Variants in MGAT4C observed in about 807,000 individuals in gnomAD.
MGAT4C encodes alpha-1,3-mannosyl-glycoprotein 4-beta-N-acetylglucosaminyltransferase C.
MGAT4C carries 19 observed loss-of-function variants against 40.1 expected under a neutral mutation model. The observed-to-expected ratio is 0.47, with a 90% CI of 0.33 to 0.70. The LOEUF (loss-of-function observed/expected upper bound fraction) is 0.70, where lower values mean the gene tolerates loss of function less well. Among genes scored for constraint, MGAT4C ranks in the 30% least tolerant of loss-of-function variants. MGAT4C has a pLI of 0.02. For missense variants in MGAT4C, 491 were observed against 563.2 expected (o/e 0.87, Z 1.30); for synonymous variants, 181 against 187.1 (o/e 0.97, Z 0.27).
intron 2 of MGAT4C, among the ~76,000 whole-genome samples, chr12:86,581,220 A>G (rs1481917712): frequency 6.6e-6 from 1 of 151,474 alleles, no homozygotes; most frequent in Non-Finnish European, 1.5e-5. Flanking sequence ...GATTTTCTAT[A>G]ACAGAGACTA....
intron 2 of MGAT4C, among the ~76,000 whole-genome samples, chr12:86,614,639 A>G (rs1962390735): frequency 1.3e-5 from 2 of 150,024 alleles, no homozygotes; most frequent in African/African-American, 5.0e-5. Flanking sequence ...TAAACAATAT[A>G]TTTGCAAAAA....
At chr12:86,133,243 C>T (rs1345459327) in intron 1 of MGAT4C, among the ~76,000 whole-genome samples, 1 of 152,214 alleles carries the variant, frequency 6.6e-6, no homozygotes, top group Non-Finnish European at 1.5e-5. Flanking sequence ...TTAGATTGCT[C>T]TTTAATTGTA....
At chr12:86,424,376 T>G (rs530841721) in intron 3 of MGAT4C, among the ~76,000 whole-genome samples, 1 of 152,236 alleles carries the variant, frequency 6.6e-6, no homozygotes, top group Non-Finnish European at 1.5e-5. Flanking sequence ...ACCTCTCTTA[T>G]GTTTTATTCA....
chr12:86,419,117 A>G (rs1956775891), intron 3 of MGAT4C, among the ~76,000 whole-genome samples: 1 of 152,148 alleles, frequency 6.6e-6, no homozygotes, highest in African/African-American at 2.4e-5. Flanking sequence ...GGGAAAAAAT[A>G]TAACATTATT....
intron 2 of MGAT4C, among the ~76,000 whole-genome samples, chr12:86,602,130 C>G (rs1015219510): frequency 6.6e-6 from 1 of 152,092 alleles, no homozygotes; most frequent in African/African-American, 2.4e-5. Flanking sequence ...TGGCCAGACC[C>G]GTGTTCATTT....
At chr12:86,718,479 G>A (rs1352338316) in intron 2 of MGAT4C, among the ~76,000 whole-genome samples, 7 of 152,150 alleles carry the variant, frequency 4.6e-5, no homozygotes, top group African/African-American at 1.7e-4. Context: ...CATAGCCAGG[G>A]CCTGGGCTAG....
At chr12:86,133,692 G>A (rs1881556385) in intron 1 of MGAT4C, among the ~76,000 whole-genome samples, 1 of 152,068 alleles carries the variant, frequency 6.6e-6, no homozygotes, top group African/African-American at 2.4e-5. Flanking sequence ...GATCCAAGGA[G>A]CTGCAATTTA....
At chr12:86,593,204 T>C (rs146447640) in intron 2 of MGAT4C, among the ~76,000 whole-genome samples, 258 of 152,220 alleles carry the variant, frequency 1.7e-3, no homozygotes, top group African/African-American at 5.8e-3. Context: ...AATAATCTCA[T>C]GTATTTCAGG....
intron 2 of MGAT4C, among the ~76,000 whole-genome samples, chr12:86,478,660 G>T (rs1876553724): frequency 6.6e-6 from 1 of 152,002 alleles, no homozygotes; most frequent in Non-Finnish European, 1.5e-5. Context: ...CAAATTCCCT[G>T]ATTAACACTG....
chr12:86,439,141 T>C (rs1338115492), intron 2 of MGAT4C, among the ~76,000 whole-genome samples: 2 of 151,892 alleles, frequency 1.3e-5, no homozygotes, highest in Admixed American at 6.6e-5. Flanking sequence ...CAGATATTTA[T>C]AGCACATTCT....
At chr12:86,527,221 C>T (rs1250321758) in intron 2 of MGAT4C, among the ~76,000 whole-genome samples, 6 of 152,146 alleles carry the variant, frequency 3.9e-5, no homozygotes, top group Admixed American at 3.9e-4. Context: ...CATTCCTTTG[C>T]ATATAATTAT....
intron 1 of MGAT4C, among the ~76,000 whole-genome samples, chr12:86,775,699 G>T (rs992980584): frequency 6.6e-6 from 1 of 151,616 alleles, no homozygotes; most frequent in African/African-American, 2.4e-5. Flanking sequence ...TTACCACATG[G>T]ATAGTAACCT....
At chr12:86,096,240 A>G (rs898410554) in intron 1 of MGAT4C, among the ~76,000 whole-genome samples, 31 of 151,608 alleles carry the variant, frequency 2.0e-4, no homozygotes, top group Non-Finnish European at 3.5e-4. Flanking sequence ...AACTGGTGTT[A>G]TTTCTGGCCA....
At chr12:86,534,420 G>A (rs1959037241) in intron 2 of MGAT4C, among the ~76,000 whole-genome samples, 1 of 152,022 alleles carries the variant, frequency 6.6e-6, no homozygotes, top group Non-Finnish European at 1.5e-5. Flanking sequence ...ATTGATGTCT[G>A]CCTGTAACTT....
intron 1 of MGAT4C, among the ~76,000 whole-genome samples, chr12:86,084,755 A>G (rs1020123195): frequency 1.3e-5 from 2 of 151,560 alleles, no homozygotes; most frequent in African/African-American, 2.4e-5. Flanking sequence ...AAGAGGCCTG[A>G]GCAAATGAAG....
rs1242082306 is a variant in MGAT4C, at chr12:86,306,996, AC to A, written c.-57+27068del. Among the ~76,000 whole-genome samples the A allele has an allele frequency of 9.8e-4, 148 of 150,712 alleles. 10 individuals carry two copies. The highest frequency in any genetic ancestry group is 3.4e-3 in the African/African-American group (135 of 40,156). On this transcript the variant is annotated intron_variant, in intron 4 of 7. Coordinates refer to the MGAT4C transcript ENST00000548651. ...TGAAAAATTTTAATAAGAAAAACTT[AC>A]ACACACATATGCAGAAATCATTTTT...
chr12:86,455,525 T>G (rs903307968), intron 2 of MGAT4C, among the ~76,000 whole-genome samples: 1 of 152,124 alleles, frequency 6.6e-6, no homozygotes, highest in African/African-American at 2.4e-5. Context: ...AGGAAACTCT[T>G]TCTTCACAGA....
chr12:86,649,116 T>C (rs1288875165), intron 2 of MGAT4C, among the ~76,000 whole-genome samples: 1 of 151,858 alleles, frequency 6.6e-6, no homozygotes, highest in African/African-American at 2.4e-5. Flanking sequence ...CAGATTTCTG[T>C]TTGCTCTCAT....
chr12:85,989,338 A>C, intron 3 of MGAT4C, 62 bp downstream of exon 3: 1 of 1,433,932 alleles, frequency 7.0e-7, no homozygotes, highest in Non-Finnish European at 9.4e-7. Context: ...CTACAATGGG[A>C]CTAATTCTTG....
Sources: allele counts gnomAD v4.1 joint callset (sites outside exome capture counted in the v4.1 genomes callset), GRCh38; gene constraint gnomAD v4.1.1; transcripts MANE v1.5; gene names NCBI Gene and HGNC (gene_info 2026-07-23, HGNC 2026-07-21).